Variants in PLEKHA8 observed in about 807,000 individuals in gnomAD.
PLEKHA8 encodes the protein pleckstrin homology domain containing A8.
PLEKHA8 carries 36 observed loss-of-function variants against 68.2 expected under a neutral mutation model. That is an observed-to-expected ratio of 0.53 (90% CI 0.40 to 0.70). The LOEUF (loss-of-function observed/expected upper bound fraction) is 0.70. Among genes scored for constraint, PLEKHA8 ranks in the 30% least tolerant of loss-of-function variants. The probability of loss-of-function intolerance (pLI) is 0.00; values close to 1 mark genes in which losing one functional copy is unlikely to be tolerated. For synonymous variants in PLEKHA8, 211 were observed against 216.1 expected, an observed-to-expected ratio of 0.98 and a Z score of 0.20; for missense variants, 505 against 615.4, an observed-to-expected ratio of 0.82 and a Z score of 1.90.
chr7:30,076,154 C>A (rs537330848), intron 13 of PLEKHA8, among the ~76,000 whole-genome samples: 1 of 150,916 alleles, frequency 6.6e-6, no homozygotes, highest in African/African-American at 2.4e-5. Context: ...ATTTTTTCTA[C>A]CTTTAGCTTG....
chr7:30,102,819 C>T (rs1795899177), intron 13 of PLEKHA8, among the ~76,000 whole-genome samples: 1 of 152,208 alleles, frequency 6.6e-6, no homozygotes, highest in Admixed American at 6.5e-5. Flanking sequence ...GGCATAGGTG[C>T]AAGGATGGCT....
intron 12 of PLEKHA8, among the ~76,000 whole-genome samples, chr7:30,072,798 T>C (rs1794333870): frequency 6.6e-6 from 1 of 152,194 alleles, no homozygotes; most frequent in African/African-American, 2.4e-5. Context: ...AATTTAGATA[T>C]GGAGAAACAT....
At chr7:30,093,734 C>G (rs750604520), downstream of PLEKHA8, among the ~76,000 whole-genome samples, 8 of 152,174 alleles carry the variant, frequency 5.3e-5, no homozygotes, top group Non-Finnish European at 1.0e-4. Flanking sequence ...CCATCATGAC[C>G]CACTTCTGAG....
intron 13 of PLEKHA8, among the ~76,000 whole-genome samples, chr7:30,104,854 T>G (rs532832725): frequency 2.0e-5 from 3 of 151,434 alleles, no homozygotes; most frequent in African/African-American, 7.3e-5. Flanking sequence ...TTCCGAGTGG[T>G]TGGGACTACA....
At chr7:30,052,259 T>C (rs968021852) in intron 6 of PLEKHA8, among the ~76,000 whole-genome samples, 44 of 152,308 alleles carry the variant, frequency 2.9e-4, no homozygotes, top group Middle Eastern at 3.4e-3. Context: ...ATCACAGGCC[T>C]TGGAGGCAGA....
In PLEKHA8 at chr7:30,081,090, G is replaced by GC. The variant is rs1794909742; in HGVS notation, c.*2304dup. The GC allele has an allele frequency of 2.0e-6, 2 of 985,202 alleles. No homozygotes were observed. The highest frequency in any genetic ancestry group is 3.5e-5 in the African/African-American group (2 of 57,200). The allele number at this position is 985,202 out of a possible 1,614,324, so 61.0% of individuals were successfully genotyped here. A position where few individuals can be genotyped will look rare whatever the true frequency, so the allele number is the denominator to read the frequency against. ...GAAAGCTGCTCAGCATGGCCATTTT[G>GC]CATTTGTATAGGTAGTGACTAGATG... is the stretch of plus-strand genomic sequence containing the variant. On this transcript the variant is annotated 3_prime_UTR_variant, in exon 14 of 14. Transcript: ENST00000449726.
chr7:30,092,089 AT>A (rs1330419471), downstream of PLEKHA8, among the ~76,000 whole-genome samples: 1 of 152,158 alleles, frequency 6.6e-6, no homozygotes, highest in Non-Finnish European at 1.5e-5. Flanking sequence ...AAAATCCCAA[AT>A]CCTCAACTTG....
intron 3 of PLEKHA8, among the ~76,000 whole-genome samples, chr7:30,047,315 G>A (rs1019531687): frequency 6.6e-6 from 1 of 152,028 alleles, no homozygotes; most frequent in African/African-American, 2.4e-5. Flanking sequence ...ATAATGGCTG[G>A]GTGCCATTAG....
At chr7:30,043,398 G>A (rs1791689942) in intron 1 of PLEKHA8, among the ~76,000 whole-genome samples, 1 of 152,100 alleles carries the variant, frequency 6.6e-6, no homozygotes, top group African/African-American at 2.4e-5. Flanking sequence ...AAGGGTTCCT[G>A]ACCTGCAATA....
chr7:30,046,542 T>C (rs547704906), intron 3 of PLEKHA8, among the ~76,000 whole-genome samples, 177 bp downstream of exon 3: 2 of 152,360 alleles, frequency 1.3e-5, no homozygotes, highest in South Asian at 4.1e-4. Flanking sequence ...TTTCTTGGCA[T>C]AGCATAGTGC....
At position 30,108,067 on chromosome 7, in the gene PLEKHA8, CAAAAAAAAA is replaced by C. The variant is rs796801365; in HGVS notation, c.1363-21182_1363-21174del. On this transcript the variant is annotated intron_variant, in intron 13 of 13. Coordinates refer to the PLEKHA8 transcript ENST00000396257. ...CTGGGCAAAAAGCAAAACTCCATCT[CAAAAAAAAA>C]AAAAAAAAAAAAAAAACCTACATTC... 3.3e-3 allele frequency among the ~76,000 whole-genome samples: 174 copies of C among 52,832 alleles called. 3 individuals carry two copies. The highest frequency in any genetic ancestry group is 0.011 in the African/African-American group (156 of 13,660). 34.7% of individuals were successfully genotyped at this position (52,832 alleles called of 152,430 possible).
chr7:30,080,842 A>AAAG lies in PLEKHA8; in HGVS notation c.*2058_*2060dup. ...CTTGACATAGCCCCCTAAAACGGAA[A>AAAG]AAGAAAAAGCCAGTTTTTGCTTGTA... On this transcript the variant is annotated 3_prime_UTR_variant, in exon 14 of 14. Transcript: ENST00000449726. 1.0e-6 allele frequency: 1 copy of AAAG among 985,372 alleles called. No individual in the cohort carries two copies. Among genetic ancestry groups the AAAG allele is most frequent in the Non-Finnish European group, 1.2e-6 (1 of 829,920 alleles). 61.0% of individuals were successfully genotyped at this position (985,372 alleles called of 1,614,324 possible). A position where few individuals can be genotyped will look rare whatever the true frequency, so the allele number is the denominator to read the frequency against.
At chr7:30,107,978 A>G (rs574180340) in intron 13 of PLEKHA8, among the ~76,000 whole-genome samples, 1 of 150,132 alleles carries the variant, frequency 6.7e-6, no homozygotes, top group Non-Finnish European at 1.5e-5. Context: ...CTGAGGCAGG[A>G]GAATCACTTG....
At chr7:30,052,314 T>A (rs1428645166) in intron 6 of PLEKHA8, among the ~76,000 whole-genome samples, 1 of 152,068 alleles carries the variant, frequency 6.6e-6, no homozygotes, top group Non-Finnish European at 1.5e-5. Flanking sequence ...TCAGTGGATG[T>A]TGAAAGGATA....
intron 6 of PLEKHA8, among the ~76,000 whole-genome samples, 198 bp from the exon 7 acceptor site, chr7:30,052,511 C>G (rs1214574404): frequency 6.6e-6 from 1 of 152,000 alleles, no homozygotes; most frequent in African/African-American, 2.4e-5. Context: ...TGGCAGGCAC[C>G]TGTAGTCCGA....
intron 12 of PLEKHA8, among the ~76,000 whole-genome samples, chr7:30,063,173 G>A (rs1040788022): frequency 3.3e-5 from 5 of 152,206 alleles, no homozygotes; most frequent in African/African-American, 7.2e-5. Context: ...TTTCGTCGTC[G>A]TCGTGTAACT....
intron 6 of PLEKHA8, 33 bp downstream of exon 6, chr7:30,050,507 A>T (rs749209785): frequency 6.1e-5 from 88 of 1,451,400 alleles, no homozygotes; most frequent in African/African-American, 2.2e-4. Flanking sequence ...GCTAAAAATT[A>T]AAAAAAAATA....
At chr7:30,036,725 A>G (rs1791127047) in intron 1 of PLEKHA8, among the ~76,000 whole-genome samples, 2 of 152,228 alleles carry the variant, frequency 1.3e-5, no homozygotes, top group African/African-American at 4.8e-5. Flanking sequence ...TCTTCTTACC[A>G]TCTACATGGT....
At chr7:30,057,168 G>A (rs960140878) in intron 9 of PLEKHA8, among the ~76,000 whole-genome samples, 4 of 151,840 alleles carry the variant, frequency 2.6e-5, no homozygotes, top group African/African-American at 9.7e-5. Context: ...GAAATAGTAT[G>A]TTTTCATCAC....
Sources: gnomAD v4.1 joint callset for allele counts (sites outside exome capture counted in the v4.1 genomes callset) on GRCh38, gnomAD v4.1.1 for gene constraint, MANE v1.5 for transcripts, NCBI Gene and HGNC (gene_info 2026-07-23, HGNC 2026-07-21) for gene names.